MTOR: variants seen among roughly 807,000 people sequenced by gnomAD.
MTOR encodes the protein mechanistic target of rapamycin kinase.
A neutral mutation model predicts 319.8 loss-of-function variants in MTOR; 70 were observed. The observed-to-expected ratio is 0.22, with a 90% CI of 0.18 to 0.27. MTOR has a LOEUF of 0.27. Ranked by LOEUF, MTOR falls within the 10% of genes least tolerant of loss-of-function variation. The pLI, the probability that MTOR is intolerant of heterozygous loss-of-function variation, is 1.00. For synonymous variants in MTOR, 1,183 were observed against 1,211.4 expected, an observed-to-expected ratio of 0.98 and a Z score of 0.49; for missense variants, 1,890 against 3,274.4, an observed-to-expected ratio of 0.58 and a Z score of 10.32.
chr1:11,127,820 A>G lies in MTOR; in HGVS notation c.6034-14T>C. 6.2e-7 allele frequency: 1 copy of G among 1,607,972 alleles called. No individual in the cohort carries two copies. Among genetic ancestry groups the G allele is most frequent in the South Asian group, 1.1e-5 (1 of 90,286 alleles). ...CTCCTCGCTCACCTGAAGCCAAGAG[A>G]AGAAGGAGAGAAGCATCAAGAATCA... On this transcript the variant is annotated splice_polypyrimidine_tract_variant and intron_variant, in intron 43 of 57. Coordinates refer to ENST00000361445, the MANE Select transcript of MTOR (RefSeq NM_004958.4). This position sits in a 1 kb window ranked among gnomAD's most constrained non-coding sequence, Gnocchi z 5.5.
chr1:11,250,506 T>C (rs1228964866), intron 6 of MTOR, among the ~76,000 whole-genome samples: 2 of 152,126 alleles, frequency 1.3e-5, no homozygotes, highest in Non-Finnish European at 2.9e-5. Context: ...CTCTAAACTC[T>C]CCTGGCTCTC....
intron 36 of MTOR, among the ~76,000 whole-genome samples, chr1:11,135,099 A>G (rs2100455115): frequency 6.6e-6 from 1 of 152,312 alleles, no homozygotes; most frequent in South Asian, 2.1e-4. Flanking sequence ...GCTTGTATAC[A>G]AAGTGAGCAG....
In MTOR at chr1:11,258,584, C is replaced by T. The variant is rs1212557139; in HGVS notation, c.172G>A (p.Glu58Lys). ...TGGTCATAGAAGCGAGTAGACTCCT[C>T]TTGACTCATCTGCAAAAGAAGATAT... ...VTMELREMSQ[E>K]ESTRFYDQLN... The change falls in exon 3 of 58, where the codon GAG (glutamate) becomes AAG (lysine). Residue 58 changes from glutamate to lysine, a missense_variant. By Grantham distance (56) the Glu-to-Lys change is moderately conservative. Around this residue, in one of 15 missense-constraint regions of MTOR, gnomAD observed 85 missense variants for 105.8 expected, o/e 0.80. Transcript: ENST00000361445. The T allele has an allele frequency of 6.2e-7, 1 of 1,611,006 alleles. No individual in the cohort carries two copies. The highest frequency in any genetic ancestry group is 8.5e-7 in the Non-Finnish European group (1 of 1,177,920).
chr1:11,141,874 G>A (rs185753492), intron 34 of MTOR, among the ~76,000 whole-genome samples: 1 of 150,706 alleles, frequency 6.6e-6, no homozygotes, highest in Non-Finnish European at 1.5e-5. Flanking sequence ...GGTGGTGGGC[G>A]CCTGTAGTCC....
In MTOR at chr1:11,128,765, C is replaced by G; in HGVS notation, c.5811+90G>C. 1 of 1,178,292 alleles carries G rather than the reference C, an allele frequency of 8.5e-7. No homozygotes were observed. Among genetic ancestry groups the G allele is most frequent in the Non-Finnish European group, 1.2e-6 (1 of 800,346 alleles). The allele number at this position is 1,178,292 out of a possible 1,614,324, so 73.0% of individuals were successfully genotyped here. ...CTTAGCACTGTATTAACACACACTG[C>G]CTTGTGACACTGAACACAGCATGCT... On this transcript the variant is annotated intron_variant, in intron 41 of 57. Coordinates refer to ENST00000361445, the MANE Select transcript of MTOR (RefSeq NM_004958.4). This position sits in a 1 kb window ranked among gnomAD's most constrained non-coding sequence, Gnocchi z 5.3.
At chr1:11,173,842 G>GT (rs1644900976) in intron 28 of MTOR, among the ~76,000 whole-genome samples, 1 of 152,176 alleles carries the variant, frequency 6.6e-6, no homozygotes, top group Non-Finnish European at 1.5e-5. Flanking sequence ...AAGAGAGTCT[G>GT]TTATCTTGTT....
intron 25 of MTOR, among the ~76,000 whole-genome samples, chr1:11,207,597 CTTT>C (rs34578052): frequency 0.018 from 2,145 of 121,672 alleles, 32 homozygotes; most frequent in African/African-American, 0.047. Context: ...TTTTCAATTC[CTTT>C]TTTTTTTTTT....
intron 30 of MTOR, among the ~76,000 whole-genome samples, chr1:11,151,263 C>G (rs1325333932): frequency 6.6e-6 from 1 of 152,186 alleles, no homozygotes. Context: ...CGCAGTACAG[C>G]AGATATTAAC....
At chr1:11,260,252 G>T (rs1302275076) in intron 1 of MTOR, among the ~76,000 whole-genome samples, 2 of 152,196 alleles carry the variant, frequency 1.3e-5, no homozygotes, top group African/African-American at 4.8e-5. Context: ...ACTATCTAAT[G>T]GAAATTTAGG....
At chr1:11,114,992 T>A in intron 51 of MTOR, 105 bp from the exon 52 acceptor site, 1 of 926,050 alleles carries the variant, frequency 1.1e-6, no homozygotes, top group Non-Finnish European at 1.7e-6. Flanking sequence ...TGATTTTAAT[T>A]ATAGCAGGGA....
Position 11,115,511 on chromosome 1 carries a change from T to C in MTOR, c.7017-43A>G. 1.3e-6 allele frequency: 2 copies of C among 1,582,152 alleles called. No individual in the cohort carries two copies. The highest frequency in any genetic ancestry group is 1.7e-6 in the Non-Finnish European group (2 of 1,151,110). ...CAGATCAGGGAGGGATCAACAGAGA[T>C]AACGGATGAAAAAATCAATAAGTAC... is the stretch of plus-strand genomic sequence containing the variant. On this transcript the variant is annotated intron_variant, in intron 50 of 57. Coordinates refer to ENST00000361445, the MANE Select transcript of MTOR (RefSeq NM_004958.4). This position sits in a 1 kb window ranked among gnomAD's most constrained non-coding sequence, Gnocchi z 4.5.
chr1:11,180,172 T>C (rs1004478270), intron 28 of MTOR, among the ~76,000 whole-genome samples: 3 of 152,176 alleles, frequency 2.0e-5, no homozygotes, highest in African/African-American at 7.2e-5. Context: ...CCCAAAGTGC[T>C]GGGATTATAG....
At chr1:11,235,559 G>A (rs1174413643) in intron 13 of MTOR, among the ~76,000 whole-genome samples, 1 of 152,040 alleles carries the variant, frequency 6.6e-6, no homozygotes, top group Non-Finnish European at 1.5e-5. Context: ...CTATATCAAA[G>A]TTTAAAAACA....
intron 9 of MTOR, 104 bp from the exon 10 acceptor site, chr1:11,241,785 T>C: frequency 1.5e-6 from 2 of 1,327,554 alleles, no homozygotes; most frequent in Non-Finnish European, 2.1e-6. Flanking sequence ...CAGGCAGGGC[T>C]ACCACAGATG....
At chr1:11,151,439 G>A (rs1019125140) in intron 30 of MTOR, among the ~76,000 whole-genome samples, 5 of 152,070 alleles carry the variant, frequency 3.3e-5, no homozygotes, top group Admixed American at 2.6e-4. Flanking sequence ...TTCTGCCACC[G>A]AGACTTAGAA....
intron 6 of MTOR, among the ~76,000 whole-genome samples, chr1:11,248,349 G>A (rs767332061): frequency 1.3e-5 from 2 of 152,286 alleles, no homozygotes; most frequent in Non-Finnish European, 2.9e-5. Flanking sequence ...CTTGCCAAGG[G>A]TTCTCACCTC....
chr1:11,213,517 A>T lies in MTOR; in HGVS notation c.3167T>A (p.Ile1056Asn). ...TSIQSTIILL[I>N]EQIVVALGGE... is the part of the protein sequence containing the mutation. Reference sequence around the variant, plus strand: ...CCCAAGAGCTACCACAATTTGCTCAATGAGAAGAATGATCGTGCTCTGAAT... The same window carrying T: ...CCCAAGAGCTACCACAATTTGCTCATTGAGAAGAATGATCGTGCTCTGAAT... The change falls in exon 21 of 58, where the codon ATT becomes AAT. Residue 1056 changes from isoleucine to asparagine, a missense_variant. Around this residue, in one of 15 missense-constraint regions of MTOR, gnomAD observed 377 missense variants for 653.9 expected, o/e 0.58. Transcript: ENST00000361445. 1 of 1,614,198 alleles carries T rather than the reference A, an allele frequency of 6.2e-7. No individual in the cohort carries two copies. The highest frequency in any genetic ancestry group is 8.5e-7 in the Non-Finnish European group (1 of 1,180,024).
At chr1:11,250,689 G>C (rs1180419091) in intron 6 of MTOR, among the ~76,000 whole-genome samples, 2 of 151,996 alleles carry the variant, frequency 1.3e-5, no homozygotes, top group Non-Finnish European at 2.9e-5. Context: ...CATCCCCCTT[G>C]CCCAGCTCTC....
intron 34 of MTOR, among the ~76,000 whole-genome samples, chr1:11,140,480 T>C (rs1024052967): frequency 6.6e-6 from 1 of 152,170 alleles, no homozygotes; most frequent in African/African-American, 2.4e-5. Flanking sequence ...ATCCCTCACC[T>C]CCTGCTGTGC....
Sources: allele counts gnomAD v4.1 joint callset (sites outside exome capture counted in the v4.1 genomes callset), GRCh38; gene constraint gnomAD v4.1.1; regional missense constraint gnomAD v4.1.1; non-coding constraint Gnocchi (gnomAD v3.1); transcripts MANE v1.5; gene names NCBI Gene and HGNC (gene_info 2026-07-23, HGNC 2026-07-21).